Variants in MARCHF6 observed in about 807,000 individuals in gnomAD.
The protein encoded by MARCHF6 is E3 ubiquitin-protein ligase MARCHF6.
Under a neutral mutation model 133.7 loss-of-function variants are expected in MARCHF6, and 31 were observed. The observed-to-expected ratio is 0.23, with a 90% confidence interval of 0.17 to 0.31. The LOEUF is 0.31. MARCHF6 is among the 10% of genes least tolerant of loss of function. The pLI is 1.00. For missense variants in MARCHF6, 723 were observed against 1,121.6 expected (o/e 0.64, Z 5.08); for synonymous variants, 395 against 402.5 (o/e 0.98, Z 0.22).
intron 11 of MARCHF6, 62 bp downstream of exon 11, chr5:10,400,904 A>T: frequency 7.9e-7 from 1 of 1,271,288 alleles, no homozygotes; most frequent in Non-Finnish European, 1.1e-6. Flanking sequence ...ATTATTAATA[A>T]AATAGTATTC....
At chr5:10,397,058 A>G (rs1225411579) in intron 9 of MARCHF6, among the ~76,000 whole-genome samples, 1 of 152,156 alleles carries the variant, frequency 6.6e-6, no homozygotes, top group Non-Finnish European at 1.5e-5. Flanking sequence ...TTATAAATGA[A>G]TTTGTTTTTT....
In MARCHF6 at chr5:10,433,651, A is replaced by T; in HGVS notation, c.2700A>T (p.Ser900=). 6.2e-7 allele frequency: 1 copy of T among 1,614,118 alleles called. No homozygotes were observed. The highest frequency in any genetic ancestry group is 1.7e-5 in the Admixed American group (1 of 60,008). Residue 900 remains serine, a synonymous_variant, in exon 26 of 26, where the codon TCA becomes TCT. Transcript: ENST00000274140. ...NYERKSGKQG[S]SPPPPQSSQE ...AACGGAAATCTGGCAAACAAGGCTCATCTCCACCACCTCCACAGTCATCCC... is the reference window on the plus strand; with the variant it reads ...AACGGAAATCTGGCAAACAAGGCTCTTCTCCACCACCTCCACAGTCATCCC...
intron 1 of MARCHF6, among the ~76,000 whole-genome samples, chr5:10,366,525 T>C (rs534813486): frequency 1.3e-5 from 2 of 152,328 alleles, no homozygotes; most frequent in South Asian, 2.1e-4. Flanking sequence ...TTACTGCTGT[T>C]ACTACTTGAG....
chr5:10,410,990 C>G (rs776552465), intron 18 of MARCHF6, among the ~76,000 whole-genome samples: 4 of 152,034 alleles, frequency 2.6e-5, no homozygotes, highest in African/African-American at 7.2e-5. Context: ...GTACTTACAC[C>G]TTGTGCTTGT....
chr5:10,420,945 C>G (rs1168653511), intron 22 of MARCHF6, among the ~76,000 whole-genome samples: 1 of 152,182 alleles, frequency 6.6e-6, no homozygotes, highest in Non-Finnish European at 1.5e-5. Flanking sequence ...TCCCCCAAAT[C>G]CCTAACATAA....
chr5:10,433,786 G>A lies in MARCHF6; in HGVS notation c.*102G>A, dbSNP rs948139061. The A allele has an allele frequency of 3.2e-6, 3 of 948,036 alleles. No homozygotes were observed. The highest frequency in any genetic ancestry group is 5.0e-6 in the Non-Finnish European group (3 of 594,778). The allele number at this position is 948,036 out of a possible 1,614,324, so 58.7% of individuals were successfully genotyped here. ...AGTGATCTCTCAGCGTTGTTTTTAA[G>A]TTAAATGTATTTGACTTGTGTTCTC... On this transcript the variant is annotated 3_prime_UTR_variant, in exon 26 of 26. Coordinates refer to ENST00000274140, the MANE Select transcript of MARCHF6 (RefSeq NM_005885.4).
At chr5:10,427,235 C>T (rs946572140) in intron 24 of MARCHF6, among the ~76,000 whole-genome samples, 10 of 152,200 alleles carry the variant, frequency 6.6e-5, no homozygotes, top group South Asian at 2.1e-4. Flanking sequence ...TTGAGTCATT[C>T]GTCTCCTACC....
At chr5:10,389,700 C>A (rs577251674) in intron 5 of MARCHF6, among the ~76,000 whole-genome samples, 1 of 152,306 alleles carries the variant, frequency 6.6e-6, no homozygotes, top group South Asian at 2.1e-4. Context: ...CTGCACCTGG[C>A]CAAGTGACAA....
At chr5:10,398,506 C>G (rs1025185616) in intron 10 of MARCHF6, among the ~76,000 whole-genome samples, 4 of 151,446 alleles carry the variant, frequency 2.6e-5, no homozygotes, top group African/African-American at 9.7e-5. Flanking sequence ...GTGGGGGTGT[C>G]TGTATGTTAT....
intron 1 of MARCHF6, among the ~76,000 whole-genome samples, chr5:10,369,608 C>CT (rs1736341679): frequency 9.7e-5 from 2 of 20,600 alleles, no homozygotes; most frequent in South Asian, 2.2e-3. Context: ...CCATTACCCC[C>CT]CCCCCCCCTT....
chr5:10,375,307 G>A (rs962583114), intron 1 of MARCHF6, among the ~76,000 whole-genome samples: 6 of 152,236 alleles, frequency 3.9e-5, no homozygotes, highest in South Asian at 2.1e-4. Context: ...CCGGGCCAGC[G>A]GCTGCAGAGG....
intron 21 of MARCHF6, among the ~76,000 whole-genome samples, chr5:10,416,708 TTA>T (rs1490930545): frequency 6.6e-6 from 1 of 152,228 alleles, no homozygotes; most frequent in African/African-American, 2.4e-5. Flanking sequence ...CATTACTCTT[TTA>T]TAATGTCTCC....
chr5:10,434,483 C>G lies in MARCHF6; in HGVS notation c.*799C>G, dbSNP rs987176160. ...GAAGATTTTCATGAGTCAGCCCCCC[C>G]GCCCGCCCCCACCCCACACCCACAT... On this transcript the variant is annotated 3_prime_UTR_variant, in exon 26 of 26. Transcript: ENST00000274140. The G allele has an allele frequency of 6.9e-6, 1 of 143,946 alleles. No homozygotes were observed. The highest frequency in any genetic ancestry group is 1.5e-5 in the Non-Finnish European group (1 of 66,136). The allele number at this position is 143,946 out of a possible 1,614,324, so 8.9% of individuals were successfully genotyped here.
chr5:10,410,368 A>G, intron 18 of MARCHF6, 92 bp downstream of exon 18: 5 of 1,417,694 alleles, frequency 3.5e-6, no homozygotes, highest in Non-Finnish European at 4.7e-6. Flanking sequence ...GGCCCACTCA[A>G]GAAAAATTAG....
At chr5:10,365,872 A>G (rs114776130) in intron 1 of MARCHF6, among the ~76,000 whole-genome samples, 2,232 of 152,216 alleles carry the variant, frequency 0.015, 57 homozygotes, top group African/African-American at 0.05. Context: ...CCTAGTTGGA[A>G]GTAAGGGAGT....
Position 10,425,509 on chromosome 5 carries a change from A to G in MARCHF6, c.2374-881A>G, listed in dbSNP as rs558877524. On this transcript the variant is annotated intron_variant, in intron 23 of 25. Coordinates refer to ENST00000274140, the MANE Select transcript of MARCHF6 (RefSeq NM_005885.4). ...GTAAATTTAAGAAAAATGGTTGGAA[A>G]TGGTTGAGAAACACTGGGATGCCTT... is the stretch of plus-strand genomic sequence containing the variant. Among the ~76,000 whole-genome samples the G allele has an allele frequency of 6.6e-5, 10 of 152,352 alleles. No individual in the cohort carries two copies. In the South Asian group the frequency reaches 1.4e-3, roughly 22 times the overall value.
At chr5:10,389,287 A>G (rs1030725126) in intron 5 of MARCHF6, among the ~76,000 whole-genome samples, 1 of 151,996 alleles carries the variant, frequency 6.6e-6, no homozygotes, top group Non-Finnish European at 1.5e-5. Context: ...TATTTGATGC[A>G]TTTTCTTGTA....
intron 24 of MARCHF6, among the ~76,000 whole-genome samples, chr5:10,428,331 GTTTTTTTTTTTT>G (rs10604024): frequency 4.0e-5 from 3 of 75,784 alleles, no homozygotes; most frequent in Admixed American, 2.1e-4. Flanking sequence ...TTGCTTTTTA[GTTTTTTTTTTTT>G]TTTTTTTTTT....
rs1377372972 is a variant in MARCHF6 at position 10,411,424 on chromosome 5, A to G, written c.1783A>G (p.Asn595Asp). 1.9e-6 allele frequency: 3 copies of G among 1,614,246 alleles called. No individual in the cohort carries two copies. The highest frequency in any genetic ancestry group is 2.2e-5 in the East Asian group (1 of 44,892). Residue 595 changes from asparagine (N) to aspartate (D), a missense_variant, in exon 19 of 26, where the codon AAC becomes GAC. Physicochemically the swap from Asn to Asp is conservative, Grantham distance 23. Coordinates refer to ENST00000274140, the MANE Select transcript of MARCHF6 (RefSeq NM_005885.4). The part of the protein sequence containing the change: ...VNNNQHARNN[N>D]AIPVVGEGLH... ...CAATAATCAGCATGCTCGAAATAAC[A>G]ACGCTATTCCTGTGGTGGGAGAAGG...
Sources: gnomAD v4.1 joint callset for allele counts (sites outside exome capture counted in the v4.1 genomes callset) on GRCh38, gnomAD v4.1.1 for gene constraint, MANE v1.5 for transcripts, NCBI Gene and HGNC (gene_info 2026-07-23, HGNC 2026-07-21) for gene names.